Variants in RBMS3 observed in about 807,000 individuals in gnomAD.
The protein encoded by RBMS3 is RNA-binding motif, single-stranded-interacting protein 3.
A neutral mutation model predicts 66.8 loss-of-function variants in RBMS3; 27 were observed. The ratio of observed to expected loss-of-function variants is 0.40; its 90% CI spans 0.30 to 0.56. RBMS3 has a LOEUF of 0.56. Ranked by LOEUF, RBMS3 falls within the 20% of genes least tolerant of loss-of-function variation. The pLI, the probability that RBMS3 is intolerant of heterozygous loss-of-function variation, is 0.40. For missense variants in RBMS3, 513 were observed against 549.5 expected (o/e 0.93, Z 0.66); for synonymous variants, 188 against 183.0 (o/e 1.03, Z -0.22).
chr3:29,420,987 C>A (rs1304603190), intron 1 of RBMS3, among the ~76,000 whole-genome samples: 1 of 148,014 alleles, frequency 6.8e-6, no homozygotes, highest in Non-Finnish European at 1.5e-5. Flanking sequence ...GTGGCGGGCG[C>A]CTGTAGTCCC....
intron 6 of RBMS3, among the ~76,000 whole-genome samples, chr3:29,832,722 A>G (rs7623709): frequency 0.51 from 78,179 of 151,914 alleles, 20,629 homozygotes; most frequent in Non-Finnish European, 0.55. Context: ...GTTGGAAGAA[A>G]CTGGGAACAG....
intron 14 of RBMS3, among the ~76,000 whole-genome samples, chr3:30,002,675 G>A (rs1056417538): frequency 6.6e-6 from 1 of 151,808 alleles, no homozygotes; most frequent in Non-Finnish European, 1.5e-5. Context: ...TTGAATATTC[G>A]ATCTCTCAAC....
chr3:29,492,622 G>A (rs2043592419), intron 3 of RBMS3, among the ~76,000 whole-genome samples: 1 of 152,108 alleles, frequency 6.6e-6, no homozygotes, highest in Admixed American at 6.5e-5. Flanking sequence ...ATTTGATGAT[G>A]TGAGATTCTA....
intron 1 of RBMS3, among the ~76,000 whole-genome samples, chr3:29,382,405 A>G (rs2038801910): frequency 6.6e-6 from 1 of 152,190 alleles, no homozygotes; most frequent in South Asian, 2.1e-4. Flanking sequence ...TTTGTGCAGT[A>G]TTGATTTCTT....
chr3:29,897,776 T>A (rs536319618), intron 9 of RBMS3, among the ~76,000 whole-genome samples: 3 of 151,768 alleles, frequency 2.0e-5, no homozygotes, highest in African/African-American at 7.2e-5. Flanking sequence ...TTGTTTGTTG[T>A]CTGTTACTTT....
chr3:29,537,376 T>G (rs2045599705), intron 3 of RBMS3, among the ~76,000 whole-genome samples: 1 of 152,188 alleles, frequency 6.6e-6, no homozygotes, highest in Admixed American at 6.5e-5. Flanking sequence ...ATCTGCTCCC[T>G]CGTGGCAACA....
intron 6 of RBMS3, among the ~76,000 whole-genome samples, chr3:29,800,391 C>A (rs1193648928): frequency 1.3e-5 from 2 of 152,098 alleles, no homozygotes; most frequent in African/African-American, 4.8e-5. Context: ...AACTTGCTTT[C>A]TATAAATATG....
chr3:29,295,275 A>T (rs1030932701), intron 1 of RBMS3, among the ~76,000 whole-genome samples: 3 of 23,078 alleles, frequency 1.3e-4, no homozygotes, highest in African/African-American at 2.6e-4. Flanking sequence ...GCAGAAAATT[A>T]TATATATATA....
intron 3 of RBMS3, among the ~76,000 whole-genome samples, chr3:29,575,809 C>T (rs938816900): frequency 2.0e-5 from 3 of 151,944 alleles, no homozygotes; most frequent in African/African-American, 7.3e-5. Context: ...TTCAGTATGT[C>T]ATTTGCATTT....
intron 4 of RBMS3, among the ~76,000 whole-genome samples, chr3:29,720,971 G>A (rs965956645): frequency 6.6e-6 from 1 of 152,064 alleles, no homozygotes; most frequent in African/African-American, 2.4e-5. Context: ...TCAGATGAAG[G>A]TTTTATAGAA....
intron 12 of RBMS3, among the ~76,000 whole-genome samples, chr3:29,982,975 T>A (rs1037914616): frequency 1.3e-5 from 2 of 152,168 alleles, no homozygotes; most frequent in African/African-American, 4.8e-5. Flanking sequence ...TAATTTTCTG[T>A]CTCATTGATC....
In RBMS3 at chr3:29,991,147, G is replaced by A. The variant is rs370459315; in HGVS notation, c.1245G>A (p.Gln415=). ...APSSQDTSGQ[Q]QQIAVDTSNE... ...CATCCCAGGACACCAGTGGTCAGCAGCAACAGATAGCAGTGGACACATCCA... is the reference window on the plus strand; with the variant it reads ...CATCCCAGGACACCAGTGGTCAGCAACAACAGATAGCAGTGGACACATCCA... Residue 415 remains glutamine (Q), a synonymous_variant, in exon 14 of 15, where the codon CAG becomes CAA. Coordinates refer to ENST00000383767, the MANE Select transcript of RBMS3 (RefSeq NM_001003793.3). 3 of 1,614,026 alleles carry A rather than the reference G, an allele frequency of 1.9e-6. No homozygotes were observed. The highest frequency in any genetic ancestry group is 2.7e-5 in the African/African-American group (2 of 74,904).
At chr3:29,575,671 G>C (rs375080026) in intron 3 of RBMS3, among the ~76,000 whole-genome samples, 3 of 151,952 alleles carry the variant, frequency 2.0e-5, no homozygotes, top group Non-Finnish European at 4.4e-5. Context: ...TCTAGATCTT[G>C]TCAGCATGCT....
chr3:29,970,225 G>A (rs1048312098), intron 12 of RBMS3, among the ~76,000 whole-genome samples: 2 of 152,168 alleles, frequency 1.3e-5, no homozygotes, highest in Admixed American at 6.5e-5. Context: ...TAGTGAAGGA[G>A]TGTCCCCAGG....
intron 10 of RBMS3, among the ~76,000 whole-genome samples, chr3:29,916,230 C>A (rs2060635082): frequency 6.6e-6 from 1 of 151,988 alleles, no homozygotes; most frequent in African/African-American, 2.4e-5. Context: ...TCTGATAAAT[C>A]TTTCTCTCTT....
intron 4 of RBMS3, among the ~76,000 whole-genome samples, chr3:29,587,424 G>A (rs2047571986): frequency 6.6e-6 from 1 of 151,590 alleles, no homozygotes; most frequent in Non-Finnish European, 1.5e-5. Context: ...ATTAGGTTTG[G>A]CTTAGGAGAA....
chr3:29,924,265 T>TA (rs1335974125), intron 10 of RBMS3, among the ~76,000 whole-genome samples: 1 of 152,238 alleles, frequency 6.6e-6, no homozygotes, highest in Admixed American at 6.5e-5. Flanking sequence ...TTTATTATTT[T>TA]AATCTGTCTT....
chr3:29,660,667 C>T (rs1409096214), intron 4 of RBMS3, among the ~76,000 whole-genome samples: 2 of 152,070 alleles, frequency 1.3e-5, no homozygotes, highest in Non-Finnish European at 2.9e-5. Context: ...AATATTGTCT[C>T]TGTACCAAGG....
chr3:29,895,809 G>A (rs1309461937), intron 8 of RBMS3, among the ~76,000 whole-genome samples: 1 of 151,054 alleles, frequency 6.6e-6, no homozygotes, highest in Non-Finnish European at 1.5e-5. Context: ...CTGCAAAGCT[G>A]TTTTCCAAAA....
Sources: allele counts gnomAD v4.1 joint callset (sites outside exome capture counted in the v4.1 genomes callset), GRCh38; gene constraint gnomAD v4.1.1; transcripts MANE v1.5; gene names NCBI Gene and HGNC (gene_info 2026-07-23, HGNC 2026-07-21).